EPHA3: variants seen among roughly 807,000 people sequenced by gnomAD.
The protein encoded by EPHA3 is ephrin type-A receptor 3.
In EPHA3, 42 loss-of-function variants were observed where a neutral mutation model predicts 107.1. The ratio of observed to expected loss-of-function variants is 0.39; its 90% confidence interval spans 0.31 to 0.51. EPHA3 has a LOEUF of 0.51. Ranked by LOEUF, EPHA3 falls within the 20% of genes least tolerant of loss-of-function variation. The pLI, the probability that EPHA3 is intolerant of heterozygous loss-of-function variation, is 0.78. For synonymous variants in EPHA3, 461 were observed against 424.8 expected, an observed-to-expected ratio of 1.09 and a Z score of -1.05; for missense variants, 1,183 against 1,211.2, an observed-to-expected ratio of 0.98 and a Z score of 0.35.
intron 3 of EPHA3, among the ~76,000 whole-genome samples, chr3:89,296,474 G>T (rs566978358): frequency 3.3e-5 from 5 of 152,288 alleles, no homozygotes; most frequent in Admixed American, 6.5e-5. Flanking sequence ...TATTCTGAAA[G>T]AAATCTTTTT....
intron 13 of EPHA3, among the ~76,000 whole-genome samples, chr3:89,446,486 A>C (rs560129462): frequency 6.6e-6 from 1 of 152,330 alleles, no homozygotes; most frequent in African/African-American, 2.4e-5. Context: ...AGAAACACTT[A>C]AAATGAAACA....
At chr3:89,265,100 A>G (rs892683426) in intron 3 of EPHA3, among the ~76,000 whole-genome samples, 6 of 152,184 alleles carry the variant, frequency 3.9e-5, no homozygotes, top group African/African-American at 1.4e-4. Flanking sequence ...TTCAGCAACA[A>G]TATAGAGAGA....
Position 89,380,971 on chromosome 3 carries a change from G to GTTTT in EPHA3, c.1307-14863_1307-14862insTTTT, listed in dbSNP as rs1373969030. On this transcript the variant is annotated intron_variant, in intron 5 of 16. Transcript: ENST00000336596. Reference sequence around the variant, plus strand: ...TTTTTAACCAAAGCTGCTATAGGCTGTTTGTTTGTTTCTTTTTTTGAGACA... The same window carrying GTTTT: ...TTTTTAACCAAAGCTGCTATAGGCTGTTTTTTTGTTTGTTTCTTTTTTTGAGACA... 8.5e-4 allele frequency among the ~76,000 whole-genome samples: 128 copies of GTTTT among 151,296 alleles called. 1 individual carries two copies. Among genetic ancestry groups the GTTTT allele is most frequent in the African/African-American group, 2.8e-3 (115 of 40,890 alleles).
At chr3:89,423,667 G>A (rs141364034) in intron 11 of EPHA3, among the ~76,000 whole-genome samples, 9 of 151,340 alleles carry the variant, frequency 5.9e-5, no homozygotes, top group South Asian at 2.1e-4. Context: ...ATCACTGCTC[G>A]ATATATTAGA....
intron 5 of EPHA3, among the ~76,000 whole-genome samples, chr3:89,346,501 G>A (rs1487596583): frequency 6.8e-6 from 1 of 148,114 alleles, no homozygotes; most frequent in African/African-American, 2.5e-5. Context: ...TGGGTTCATT[G>A]TAGATTCTGG....
intron 3 of EPHA3, among the ~76,000 whole-genome samples, chr3:89,300,175 A>T (rs1706448697): frequency 6.6e-6 from 1 of 151,974 alleles, no homozygotes; most frequent in Admixed American, 6.6e-5. Context: ...CTAAAGTCTC[A>T]AATCTCATAA....
At chr3:89,262,003 C>T (rs537391798) in intron 3 of EPHA3, among the ~76,000 whole-genome samples, 8 of 151,864 alleles carry the variant, frequency 5.3e-5, no homozygotes, top group Non-Finnish European at 8.8e-5. Flanking sequence ...TTTACCTTTT[C>T]GAATGCCTAC....
At chr3:89,299,494 G>A (rs1706434323) in intron 3 of EPHA3, among the ~76,000 whole-genome samples, 1 of 151,724 alleles carries the variant, frequency 6.6e-6, no homozygotes, top group Non-Finnish European at 1.5e-5. Flanking sequence ...AAAAGTAACG[G>A]CATCATCATA....
intron 13 of EPHA3, among the ~76,000 whole-genome samples, chr3:89,448,933 A>G (rs1469544246): frequency 6.6e-6 from 1 of 152,032 alleles, no homozygotes; most frequent in Non-Finnish European, 1.5e-5. Flanking sequence ...TTTGTTGCAG[A>G]TGATTAATTA....
intron 3 of EPHA3, among the ~76,000 whole-genome samples, chr3:89,308,917 C>G (rs1203572767): frequency 6.6e-6 from 1 of 152,112 alleles, no homozygotes; most frequent in Non-Finnish European, 1.5e-5. Flanking sequence ...TTTTCTTAGA[C>G]TACTTTTCCA....
In EPHA3 at chr3:89,403,549, A is replaced by G. The variant is rs568028178; in HGVS notation, c.1595-3720A>G. Among the ~76,000 whole-genome samples, 5 of 152,322 alleles carry G rather than the reference A, an allele frequency of 3.3e-5. No homozygotes were observed. In the East Asian group the frequency reaches 9.6e-4, roughly 29 times the overall value. ...GAAAGCATGGAGTATAAAAGAGTAAAAGGATTTTCCTAGCATGAAGGTAGC... is the reference window on the plus strand; with the variant it reads ...GAAAGCATGGAGTATAAAAGAGTAAGAGGATTTTCCTAGCATGAAGGTAGC... On this transcript the variant is annotated intron_variant, in intron 7 of 16. Transcript: ENST00000336596.
chr3:89,257,803 G>C (rs868829838), intron 3 of EPHA3, among the ~76,000 whole-genome samples: 2 of 151,782 alleles, frequency 1.3e-5, no homozygotes, highest in Non-Finnish European at 2.9e-5. Context: ...CAGAGTGTTA[G>C]TGGACAAATG....
chr3:89,350,760 G>A (rs1032344067), intron 5 of EPHA3, among the ~76,000 whole-genome samples: 23 of 150,770 alleles, frequency 1.5e-4, no homozygotes, highest in African/African-American at 5.3e-4. Flanking sequence ...ATCTACTTTT[G>A]GTCTTTGATG....
intron 2 of EPHA3, among the ~76,000 whole-genome samples, chr3:89,165,464 G>T (rs1265135314): frequency 6.6e-6 from 1 of 152,122 alleles, no homozygotes; most frequent in Non-Finnish European, 1.5e-5. Context: ...CATCCCCAAT[G>T]CTATCACCAT....
intron 3 of EPHA3, among the ~76,000 whole-genome samples, chr3:89,284,112 G>C (rs1244331755): frequency 6.6e-6 from 1 of 151,992 alleles, no homozygotes; most frequent in Non-Finnish European, 1.5e-5. Flanking sequence ...AATAAATGAA[G>C]TTAGATTTAT....
chr3:89,185,993 TC>T (rs1345436185), intron 2 of EPHA3, among the ~76,000 whole-genome samples: 3 of 152,144 alleles, frequency 2.0e-5, no homozygotes, highest in South Asian at 2.1e-4. Context: ...CTTTCTTCCT[TC>T]TTTTTACTTT....
At chr3:89,128,204 T>G (rs1178054021) in intron 2 of EPHA3, among the ~76,000 whole-genome samples, 1 of 152,154 alleles carries the variant, frequency 6.6e-6, no homozygotes, top group Non-Finnish European at 1.5e-5. Flanking sequence ...TATACACAAT[T>G]TTTTGATAGC....
intron 3 of EPHA3, among the ~76,000 whole-genome samples, chr3:89,253,031 T>C (rs1705199927): frequency 6.6e-6 from 1 of 151,958 alleles, no homozygotes; most frequent in African/African-American, 2.4e-5. Flanking sequence ...GGCTGTTTAG[T>C]TATTCCGAGC....
chr3:89,340,080 C>T (rs747469282), intron 3 of EPHA3, among the ~76,000 whole-genome samples: 2 of 152,096 alleles, frequency 1.3e-5, no homozygotes, highest in Non-Finnish European at 2.9e-5. Context: ...ATAGTAGAGG[C>T]AGTTTTAGGC....
Sources: allele counts gnomAD v4.1 joint callset (sites outside exome capture counted in the v4.1 genomes callset), GRCh38; gene constraint gnomAD v4.1.1; transcripts MANE v1.5; gene names NCBI Gene and HGNC (gene_info 2026-07-23, HGNC 2026-07-21).